The following LRP1B variants were observed in gnomAD, a reference collection of about 807,000 sequenced individuals.
LRP1B encodes the protein LDL receptor related protein 1B, also known as low-density lipoprotein receptor-related protein 1B.
Under a neutral mutation model 556.6 loss-of-function variants are expected in LRP1B, and 217 were observed. The ratio of observed to expected loss-of-function variants is 0.39; its 90% CI spans 0.35 to 0.44. The LOEUF is 0.44. Among genes scored for constraint, LRP1B ranks in the 20% least tolerant of loss-of-function variants. The pLI, the probability that LRP1B is intolerant of heterozygous loss-of-function variation, is 1.00. For missense variants in LRP1B, 5,053 were observed against 5,620.8 expected (o/e 0.90, Z 3.23); for synonymous variants, 2,047 against 1,865.8 (o/e 1.10, Z -2.50).
chr2:142,016,313 C>A (rs1415466724), intron 1 of LRP1B, among the ~76,000 whole-genome samples: 1 of 152,118 alleles, frequency 6.6e-6, no homozygotes, highest in Non-Finnish European at 1.5e-5. Flanking sequence ...TTTGACCCAG[C>A]CATCCCATTA....
At chr2:140,708,498 A>T (rs908159698) in intron 37 of LRP1B, among the ~76,000 whole-genome samples, 16 of 138,034 alleles carry the variant, frequency 1.2e-4, no homozygotes, top group Non-Finnish European at 2.4e-4. Context: ...AAAAATATTT[A>T]TATATATGTA....
At chr2:141,402,419 G>A (rs185207906) in intron 3 of LRP1B, among the ~76,000 whole-genome samples, 27 of 152,112 alleles carry the variant, frequency 1.8e-4, no homozygotes, top group African/African-American at 6.5e-4. Context: ...TTTCTCAAGA[G>A]TGGAAATAAT....
intron 1 of LRP1B, among the ~76,000 whole-genome samples, chr2:141,948,022 G>C (rs1198491218): frequency 1.3e-5 from 2 of 152,046 alleles, no homozygotes; most frequent in African/African-American, 4.8e-5. Context: ...GATAGGCCAG[G>C]CACAGTGGCT....
At chr2:140,620,391 T>C (rs1261859064) in intron 41 of LRP1B, among the ~76,000 whole-genome samples, 1 of 152,242 alleles carries the variant, frequency 6.6e-6, no homozygotes, top group Non-Finnish European at 1.5e-5. Context: ...AGAATTGTAC[T>C]ATATACTTCC....
At chr2:140,768,085 G>A (rs1449542118) in intron 35 of LRP1B, among the ~76,000 whole-genome samples, 1 of 151,892 alleles carries the variant, frequency 6.6e-6, no homozygotes, top group Non-Finnish European at 1.5e-5. Flanking sequence ...AATAAAATGT[G>A]TTATACTTCT....
At chr2:141,985,678 C>T (rs2105104089) in intron 1 of LRP1B, among the ~76,000 whole-genome samples, 1 of 151,454 alleles carries the variant, frequency 6.6e-6, no homozygotes, top group East Asian at 1.9e-4. Context: ...TTGAGTTCTT[C>T]TATGTTGATG....
At chr2:141,483,283 G>C (rs1407431943) in intron 2 of LRP1B, among the ~76,000 whole-genome samples, 3 of 151,058 alleles carry the variant, frequency 2.0e-5, no homozygotes, top group African/African-American at 7.3e-5. Context: ...CCCTACAAAG[G>C]ACATGAACTC....
At chr2:141,669,036 T>C (rs968525560) in intron 2 of LRP1B, among the ~76,000 whole-genome samples, 4 of 152,030 alleles carry the variant, frequency 2.6e-5, no homozygotes, top group African/African-American at 9.7e-5. Flanking sequence ...ATGTTCTGAG[T>C]TAGTTTGTGT....
At chr2:142,019,957 T>C (rs1327409847) in intron 1 of LRP1B, among the ~76,000 whole-genome samples, 3 of 152,322 alleles carry the variant, frequency 2.0e-5, no homozygotes, top group Non-Finnish European at 2.9e-5. Flanking sequence ...AATTTCTAAT[T>C]ACTTCCCCCT....
chr2:140,723,840 G>T (rs1687498655), intron 35 of LRP1B, among the ~76,000 whole-genome samples: 1 of 152,148 alleles, frequency 6.6e-6, no homozygotes, highest in African/African-American at 2.4e-5. Flanking sequence ...TTAGAAGTTA[G>T]CACCACAATT....
chr2:142,043,261 A>C (rs1258803369), intron 1 of LRP1B, among the ~76,000 whole-genome samples: 1 of 151,618 alleles, frequency 6.6e-6, no homozygotes, highest in Non-Finnish European at 1.5e-5. Flanking sequence ...TTGCATTGTT[A>C]TAATGGTTGT....
At chr2:140,710,170 C>T (rs1264211379) in intron 37 of LRP1B, among the ~76,000 whole-genome samples, 2 of 151,996 alleles carry the variant, frequency 1.3e-5, no homozygotes, top group Non-Finnish European at 2.9e-5. Flanking sequence ...AAAATATTTA[C>T]TGAGATCCTC....
chr2:140,469,995 A>C (rs1687697711), intron 60 of LRP1B, among the ~76,000 whole-genome samples: 1 of 152,236 alleles, frequency 6.6e-6, no homozygotes, highest in Admixed American at 6.5e-5. Context: ...CAGTCCCTTG[A>C]AATCAGTAGG....
At position 142,010,554 on chromosome 2, in the gene LRP1B, C is replaced by CAAAA. The variant is rs33927334; in HGVS notation, c.82+120090_82+120093dup. On this transcript the variant is annotated intron_variant, in intron 1 of 90. Coordinates refer to ENST00000389484, the MANE Select transcript of LRP1B (RefSeq NM_018557.3). ...TGGGCGACAGAGCAAGATTCTGTCT[C>CAAAA]AAAAAAAAAAAAAAAAAAAAAAAAA... is the stretch of plus-strand genomic sequence containing the variant. 7.8e-3 allele frequency among the ~76,000 whole-genome samples: 466 copies of CAAAA among 59,730 alleles called. 1 individual carries two copies. The highest frequency in any genetic ancestry group is 0.011 in the East Asian group (17 of 1,596). 39.2% of individuals were successfully genotyped at this position (59,730 alleles called of 152,430 possible).
At chr2:141,372,323 G>A (rs1262437636) in intron 3 of LRP1B, among the ~76,000 whole-genome samples, 1 of 151,994 alleles carries the variant, frequency 6.6e-6, no homozygotes, top group Non-Finnish European at 1.5e-5. Context: ...ATGTTCATCG[G>A]AGATATTGGT....
At chr2:141,952,695 T>C (rs539021844) in intron 1 of LRP1B, among the ~76,000 whole-genome samples, 1 of 152,272 alleles carries the variant, frequency 6.6e-6, no homozygotes, top group South Asian at 2.1e-4. Context: ...CAAATTGCAC[T>C]CTTAAAAGGT....
At chr2:141,723,779 T>C (rs1441489096) in intron 2 of LRP1B, among the ~76,000 whole-genome samples, 1 of 150,912 alleles carries the variant, frequency 6.6e-6, no homozygotes, top group Non-Finnish European at 1.5e-5. Flanking sequence ...TTTCATGACC[T>C]AGTGTCTCTT....
intron 2 of LRP1B, among the ~76,000 whole-genome samples, chr2:141,744,148 C>T (rs1193112405): frequency 6.6e-6 from 1 of 151,880 alleles, no homozygotes; most frequent in African/African-American, 2.4e-5. Context: ...TTTTTTAGTA[C>T]TGCTTTCAGT....
intron 1 of LRP1B, among the ~76,000 whole-genome samples, chr2:142,043,544 G>A (rs1246657324): frequency 1.3e-5 from 2 of 151,606 alleles, no homozygotes; most frequent in Admixed American, 6.6e-5. Flanking sequence ...CAGCTGAACA[G>A]TTAGTAGACA....
Sources: gnomAD v4.1 joint callset for allele counts (sites outside exome capture counted in the v4.1 genomes callset) on GRCh38, gnomAD v4.1.1 for gene constraint, MANE v1.5 for transcripts, NCBI Gene and HGNC (gene_info 2026-07-23, HGNC 2026-07-21) for gene names.